MEOX2: variants seen among roughly 807,000 people sequenced by gnomAD.
The protein encoded by MEOX2 is homeobox protein MOX-2.
MEOX2 carries 11 observed loss-of-function variants against 27.0 expected under a neutral mutation model. The ratio of observed to expected loss-of-function variants is 0.41; its 90% CI spans 0.26 to 0.68. The LOEUF is 0.68. Ranked by LOEUF, MEOX2 falls within the 30% of genes least tolerant of loss-of-function variation. The pLI is 0.33. For missense variants in MEOX2, 436 were observed against 385.4 expected (o/e 1.13, Z -1.10); for synonymous variants, 189 against 155.4 (o/e 1.22, Z -1.61).
chr7:15,634,026 A>T (rs1781446428), intron 1 of MEOX2, among the ~76,000 whole-genome samples: 2 of 151,920 alleles, frequency 1.3e-5, no homozygotes, highest in Admixed American at 6.6e-5. Context: ...TATCTCGTGT[A>T]ACTAATGGCA....
At chr7:15,645,214 T>A (rs913470889) in intron 1 of MEOX2, among the ~76,000 whole-genome samples, 1 of 152,200 alleles carries the variant, frequency 6.6e-6, no homozygotes, top group African/African-American at 2.4e-5. Flanking sequence ...AATCTGACAA[T>A]CAATTCACCA....
At chr7:15,678,866 T>C (rs943217894) in intron 1 of MEOX2, 1 of 152,204 alleles carries the variant, frequency 6.6e-6, no homozygotes, top group Non-Finnish European at 1.5e-5. Context: ...AGTCATTTTC[T>C]TGCCCACAGT....
chr7:15,649,591 T>A (rs1470081636), intron 1 of MEOX2, among the ~76,000 whole-genome samples: 5 of 152,046 alleles, frequency 3.3e-5, no homozygotes, highest in African/African-American at 1.2e-4. Context: ...GGTTAGGGAC[T>A]GACTAGTCAG....
intron 2 of MEOX2, 70 bp downstream of exon 2, chr7:15,626,676 A>G (rs1331354278): frequency 5.2e-6 from 6 of 1,143,712 alleles, no homozygotes; most frequent in Non-Finnish European, 7.6e-6. Context: ...AGGTATTTCA[A>G]ATATGGCAAA....
At chr7:15,653,522 C>G (rs1034792449) in intron 1 of MEOX2, among the ~76,000 whole-genome samples, 2 of 151,896 alleles carry the variant, frequency 1.3e-5, no homozygotes, top group African/African-American at 4.8e-5. Flanking sequence ...ATGGATCATG[C>G]TTTTGATGTC....
At chr7:15,685,721 T>G (rs1362546470) in intron 1 of MEOX2, among the ~76,000 whole-genome samples, 165 bp downstream of exon 1, 1 of 152,148 alleles carries the variant, frequency 6.6e-6, no homozygotes, top group African/African-American at 2.4e-5. Context: ...TCCCCAAATA[T>G]CAGGACCAAA....
chr7:15,652,013 T>G (rs147590589), intron 1 of MEOX2, among the ~76,000 whole-genome samples: 91 of 152,132 alleles, frequency 6.0e-4, no homozygotes, highest in African/African-American at 2.1e-3. Context: ...TTCTTCCCAG[T>G]CTTAGACTCT....
intron 1 of MEOX2, among the ~76,000 whole-genome samples, chr7:15,647,567 G>C (rs764547790): frequency 1.2e-4 from 18 of 151,942 alleles, no homozygotes; most frequent in Non-Finnish European, 2.4e-4. Flanking sequence ...TAATGATCTA[G>C]GTTCTAAAAT....
At chr7:15,620,030 C>T (rs533998277) in intron 2 of MEOX2, among the ~76,000 whole-genome samples, 2 of 152,014 alleles carry the variant, frequency 1.3e-5, no homozygotes, top group Admixed American at 1.3e-4. Context: ...TTGATGCTTA[C>T]CAATACTGTC....
rs542023498 is a variant in MEOX2, at chr7:15,612,431, C to T, written c.871G>A (p.Asp291Asn). ...GAGCTGTGGTCACTGTCGTGACTGT[C>T]TTCATTTGCTATAGAGTCCCCTGTT... ...QQTGDSIANE[D>N]SHDSDHSSEH... Residue 291 changes from aspartate to asparagine, a missense_variant, in exon 3 of 3, where the codon GAC becomes AAC. Physicochemically the swap from Asp to Asn is conservative, Grantham distance 23 (BLOSUM62 1). Coordinates refer to ENST00000262041, the MANE Select transcript of MEOX2 (RefSeq NM_005924.5). The T allele has an allele frequency of 8.7e-6, 14 of 1,614,154 alleles. No homozygotes were observed. In the South Asian group the frequency reaches 1.3e-4, roughly 15 times the overall value.
chr7:15,668,868 C>T (rs1030937895), intron 1 of MEOX2, among the ~76,000 whole-genome samples: 1 of 152,102 alleles, frequency 6.6e-6, no homozygotes, highest in Non-Finnish European at 1.5e-5. Flanking sequence ...ATTCAAGGGT[C>T]AACTCTACTG....
chr7:15,638,145 C>T (rs73679847), intron 1 of MEOX2, among the ~76,000 whole-genome samples: 1 of 151,982 alleles, frequency 6.6e-6, no homozygotes, highest in African/African-American at 2.4e-5. Context: ...CTTTCCACCC[C>T]TGTGTATTTT....
At chr7:15,612,685 C>A in intron 2 of MEOX2, 74 bp from the exon 3 acceptor site, 3 of 1,288,954 alleles carry the variant, frequency 2.3e-6, no homozygotes, top group South Asian at 2.5e-5. Flanking sequence ...TCCTTAGTGT[C>A]ATCAATGAAA....
chr7:15,617,319 A>G (rs1354478489), intron 2 of MEOX2, among the ~76,000 whole-genome samples: 1 of 152,028 alleles, frequency 6.6e-6, no homozygotes, highest in Non-Finnish European at 1.5e-5. Context: ...TATATCTTTG[A>G]GATGTGAAAA....
chr7:15,631,031 G>C lies in MEOX2; in HGVS notation c.518-4113C>G, dbSNP rs538765488. ...ATGAATGTGTCGATTATACACTAAGGTGTGTGAGGAGTTAAAAATTGGATC... is the reference window on the plus strand; with the variant it reads ...ATGAATGTGTCGATTATACACTAAGCTGTGTGAGGAGTTAAAAATTGGATC... On this transcript the variant is annotated intron_variant, in intron 1 of 2. Transcript: ENST00000262041. Among the ~76,000 whole-genome samples, 11 of 151,986 alleles carry C rather than the reference G, an allele frequency of 7.2e-5. No homozygotes were observed. The East Asian group carries it at 2.1e-3, about 29-fold the overall frequency.
chr7:15,627,855 C>T (rs1328731577), intron 1 of MEOX2, among the ~76,000 whole-genome samples: 1 of 85,538 alleles, frequency 1.2e-5, no homozygotes, highest in African/African-American at 4.5e-5. Context: ...ATACCCAGCT[C>T]TAATAACTTA....
chr7:15,681,300 T>G (rs1562618134), intron 1 of MEOX2: 1 of 151,728 alleles, frequency 6.6e-6, no homozygotes, highest in Non-Finnish European at 1.5e-5. Flanking sequence ...AATTAAAATC[T>G]AAAAAACCTT....
At chr7:15,655,399 T>C (rs1167004428) in intron 1 of MEOX2, among the ~76,000 whole-genome samples, 1 of 151,660 alleles carries the variant, frequency 6.6e-6, no homozygotes, top group Non-Finnish European at 1.5e-5. Context: ...GCTCTTATCT[T>C]TTCTATTTCC....
chr7:15,674,415 G>A (rs1048140716), intron 1 of MEOX2, among the ~76,000 whole-genome samples: 4 of 151,960 alleles, frequency 2.6e-5, no homozygotes, highest in Non-Finnish European at 4.4e-5. Flanking sequence ...GGAATAGAAC[G>A]GATTTGAACC....
Sources: gnomAD v4.1 joint callset for allele counts (sites outside exome capture counted in the v4.1 genomes callset) on GRCh38, gnomAD v4.1.1 for gene constraint, MANE v1.5 for transcripts, NCBI Gene and HGNC (gene_info 2026-07-23, HGNC 2026-07-21) for gene names.